The following LAMP5 variants were observed in gnomAD, a reference collection of about 807,000 sequenced individuals.
LAMP5 encodes lysosome associated membrane protein 5.
LAMP5 carries 36 observed loss-of-function variants against 30.2 expected under a neutral mutation model. That is an observed-to-expected ratio of 1.19 (90% confidence interval 0.91 to 1.57). LAMP5 has a LOEUF of 1.57. LAMP5 is among the 40% of genes most tolerant of loss of function. The probability of loss-of-function intolerance (pLI) is 0.00; values close to 1 mark genes in which losing one functional copy is unlikely to be tolerated. For missense variants in LAMP5, 377 were observed against 354.9 expected, an observed-to-expected ratio of 1.06 and a Z score of -0.50; for synonymous variants, 149 against 134.6, an observed-to-expected ratio of 1.11 and a Z score of -0.74.
In LAMP5 at chr20:9,515,442, T is replaced by C. The variant is rs769159271; in HGVS notation, c.65-11T>C. On this transcript the variant is annotated splice_polypyrimidine_tract_variant and intron_variant, in intron 1 of 5. Transcript: ENST00000246070. ...CCCTGAACTGATGGAATTGTTTTGT[T>C]TGTTCCGCAGATACAATGGCTCAAA... 1 of 1,611,526 alleles carries C rather than the reference T, an allele frequency of 6.2e-7. No homozygotes were observed. The highest frequency in any genetic ancestry group is 8.5e-7 in the Non-Finnish European group (1 of 1,178,608).
intron 4 of LAMP5, among the ~76,000 whole-genome samples, chr20:9,517,038 A>G (rs2045045654): frequency 6.6e-6 from 1 of 152,170 alleles, no homozygotes. Flanking sequence ...TAAGTTGTCT[A>G]TTTCACTCAT....
chr20:9,515,651 C>G (rs2045031533), intron 2 of LAMP5, 26 bp downstream of exon 2: 1 of 1,610,054 alleles, frequency 6.2e-7, no homozygotes, highest in African/African-American at 1.3e-5. Flanking sequence ...CCCCCCTCAG[C>G]TTGCTCCTAG....
intron 4 of LAMP5, among the ~76,000 whole-genome samples, chr20:9,517,153 C>T (rs2045046512): frequency 6.6e-6 from 1 of 152,102 alleles, no homozygotes; most frequent in South Asian, 2.1e-4. Context: ...TTTGTTATCA[C>T]AGTAAAAGGA....
At chr20:9,515,389 C>T in intron 1 of LAMP5, 64 bp from the exon 2 acceptor site, 1 of 1,514,106 alleles carries the variant, frequency 6.6e-7, no homozygotes, top group Non-Finnish European at 9.0e-7. Flanking sequence ...TGTCTCCCCA[C>T]CCTAGCGCCC....
rs1293010327 is a variant in LAMP5 at position 9,526,858 on chromosome 20, GTGTATATATATA to G, written c.665-2782_665-2771del. ...TAGATACATATACATATGTGTGTGTGTGTATATATATATATATATATATATATATATATATAT... is the reference window on the plus strand; with the variant it reads ...TAGATACATATACATATGTGTGTGTGTATATATATATATATATATATATAT... On this transcript the variant is annotated intron_variant, in intron 5 of 5. Coordinates refer to ENST00000246070, the MANE Select transcript of LAMP5 (RefSeq NM_012261.4). 7.8e-3 allele frequency among the ~76,000 whole-genome samples: 703 copies of G among 90,630 alleles called. 8 individuals are homozygous for G. Among genetic ancestry groups the G allele is most frequent in the South Asian group, 0.011 (31 of 2,904 alleles). 59.5% of individuals were successfully genotyped at this position (90,630 alleles called of 152,430 possible).
chr20:9,522,756 C>G (rs2045087236), intron 5 of LAMP5, among the ~76,000 whole-genome samples: 1 of 152,070 alleles, frequency 6.6e-6, no homozygotes, highest in African/African-American at 2.4e-5. Context: ...GTAGTCAAAA[C>G]CTGTTGGGAT....
At chr20:9,517,463 G>A (rs963474664) in intron 4 of LAMP5, among the ~76,000 whole-genome samples, 9 of 151,524 alleles carry the variant, frequency 5.9e-5, no homozygotes, top group Non-Finnish European at 1.3e-4. Context: ...TTTGAAGTGC[G>A]GTCTCACTCT....
chr20:9,514,978 CAAAGT>C, intron 1 of LAMP5, 62 bp downstream of exon 1: 1 of 1,428,666 alleles, frequency 7.0e-7, no homozygotes, highest in South Asian at 1.2e-5. Context: ...ACAGAGCCGG[CAAAGT>C]AAAGTCAATT....
chr20:9,521,722 G>T (rs1252628383), intron 5 of LAMP5, among the ~76,000 whole-genome samples: 1 of 152,178 alleles, frequency 6.6e-6, no homozygotes, highest in African/African-American at 2.4e-5. Context: ...AGCCCCATGT[G>T]ATTTCTGGCT....
At chr20:9,515,872 G>C in intron 2 of LAMP5, 128 bp from the exon 3 acceptor site, 2 of 1,165,260 alleles carry the variant, frequency 1.7e-6, no homozygotes, top group African/African-American at 1.6e-5. Flanking sequence ...GCATGTTCCC[G>C]GAACCTGGGA....
intron 5 of LAMP5, among the ~76,000 whole-genome samples, chr20:9,518,758 T>C (rs936174307): frequency 6.6e-6 from 1 of 152,260 alleles, no homozygotes; most frequent in African/African-American, 2.4e-5. Flanking sequence ...TCTCGGATAC[T>C]TCTAGTTGAA....
Position 9,529,815 on chromosome 20 carries a change from G to C in LAMP5, c.838G>C (p.Gly280Arg), listed in dbSNP as rs748852728. 6.2e-7 allele frequency: 1 copy of C among 1,613,898 alleles called. No homozygotes were observed. Among genetic ancestry groups the C allele is most frequent in the South Asian group, 1.1e-5 (1 of 91,040 alleles). ...PRDRSQYKHMG is the reference protein window; with the variant it reads ...PRDRSQYKHMR ...GGACAGATCCCAGTATAAGCACATG[G>C]GCTAGAGGCCGTTAGGCAGGCACCC... is the stretch of plus-strand genomic sequence containing the variant. The change falls in exon 6 of 6, where the codon GGC (glycine) becomes CGC (arginine). Residue 280 changes from glycine to arginine, a missense_variant. By Grantham distance (125) the Gly-to-Arg change is moderately radical. Transcript: ENST00000246070.
intron 5 of LAMP5, among the ~76,000 whole-genome samples, chr20:9,521,128 G>A (rs1181086216): frequency 6.6e-6 from 1 of 152,190 alleles, no homozygotes; most frequent in African/African-American, 2.4e-5. Flanking sequence ...GCCCCTCACA[G>A]CAGGAGACTG....
chr20:9,515,968 G>A, intron 2 of LAMP5, 32 bp from the exon 3 acceptor site: 7 of 1,478,770 alleles, frequency 4.7e-6, no homozygotes, highest in Non-Finnish European at 6.3e-6. Context: ...GGCCGGGCGA[G>A]CTGAGGGGGC....
chr20:9,518,204 A>G lies in LAMP5; in HGVS notation c.640A>G (p.Ile214Val), dbSNP rs961885441. Residue 214 changes from isoleucine (I) to valine (V), a missense_variant, in exon 5 of 6, where the codon ATC (isoleucine) becomes GTC (valine). By Grantham distance (29) the Ile-to-Val change is conservative. Transcript: ENST00000246070. ...SAVHIQPFDI[I>V]SDFVFSEEHK... The stretch of plus-strand genomic sequence containing the variant: ...GGTCCACATCCAACCTTTTGACATT[A>G]TCTCAGATTTTGTCTTCAGTGAAGG... 2 of 1,613,998 alleles carry G rather than the reference A, an allele frequency of 1.2e-6. No homozygotes were observed. Among genetic ancestry groups the G allele is most frequent in the African/African-American group, 1.3e-5 (1 of 74,912 alleles).
chr20:9,521,825 A>C (rs531610155), intron 5 of LAMP5, among the ~76,000 whole-genome samples: 1 of 152,332 alleles, frequency 6.6e-6, no homozygotes, highest in Non-Finnish European at 1.5e-5. Context: ...GTATTATGTC[A>C]GAAAAAATAT....
In LAMP5 at chr20:9,516,121, T is replaced by C; in HGVS notation, c.359T>C (p.Leu120Pro). The C allele has an allele frequency of 6.4e-7, 1 of 1,555,210 alleles. No homozygotes were observed. Among genetic ancestry groups the C allele is most frequent in the Non-Finnish European group, 8.7e-7 (1 of 1,154,348 alleles). ...WVDRAYALKM[L>P]FVKESHNMSK... ...GATCGCGCATATGCACTCAAAATGC[T>C]CTTTGTAAAGGTAACTCCGAGCCCA... The change falls in exon 3 of 6, where the codon CTC becomes CCC. Residue 120 changes from leucine (L) to proline (P), a missense_variant. Leu to Pro is a moderately conservative substitution (Grantham distance 98). Coordinates refer to ENST00000246070, the MANE Select transcript of LAMP5 (RefSeq NM_012261.4).
intron 2 of LAMP5, 94 bp from the exon 3 acceptor site, chr20:9,515,906 A>G: frequency 7.3e-7 from 1 of 1,370,362 alleles, no homozygotes; most frequent in Non-Finnish European, 9.6e-7. Context: ...AGGAGCGCCC[A>G]AGCGTGCAAC....
chr20:9,515,986 G>A lies in LAMP5; in HGVS notation c.238-14G>A. On this transcript the variant is annotated splice_polypyrimidine_tract_variant and intron_variant, in intron 2 of 5. Coordinates refer to ENST00000246070, the MANE Select transcript of LAMP5 (RefSeq NM_012261.4). ...CGGGCGAGCTGAGGGGGCGCGGGGCGTCTGTGTTCCCAGCTGATCACAGAA... is the reference window on the plus strand; with the variant it reads ...CGGGCGAGCTGAGGGGGCGCGGGGCATCTGTGTTCCCAGCTGATCACAGAA... The A allele has an allele frequency of 1.3e-6, 2 of 1,490,768 alleles. No individual in the cohort carries two copies. Among genetic ancestry groups the A allele is most frequent in the Non-Finnish European group, 1.8e-6 (2 of 1,121,594 alleles). The allele number at this position is 1,490,768 out of a possible 1,614,324, so 92.3% of individuals were successfully genotyped here.
Sources: gnomAD v4.1 joint callset for allele counts (sites outside exome capture counted in the v4.1 genomes callset) on GRCh38, gnomAD v4.1.1 for gene constraint, MANE v1.5 for transcripts, NCBI Gene and HGNC (gene_info 2026-07-23, HGNC 2026-07-21) for gene names.